Variants in SLC2A9 observed in about 807,000 individuals in gnomAD.
The protein encoded by SLC2A9 is solute carrier family 2 member 9.
Under a neutral mutation model 50.6 loss-of-function variants are expected in SLC2A9, and 39 were observed. The observed-to-expected ratio is 0.77, with a 90% CI of 0.60 to 1.01. The LOEUF (loss-of-function observed/expected upper bound fraction) is 1.01, where lower values mean the gene tolerates loss of function less well. SLC2A9 is among the 50% of genes least tolerant of loss of function. The pLI, the probability that SLC2A9 is intolerant of heterozygous loss-of-function variation, is 0.00. For synonymous variants in SLC2A9, 324 were observed against 276.9 expected, an observed-to-expected ratio of 1.17 and a Z score of -1.69; for missense variants, 686 against 677.6, an observed-to-expected ratio of 1.01 and a Z score of -0.14.
intron 3 of SLC2A9, among the ~76,000 whole-genome samples, chr4:9,808,483 A>C (rs1220531755): frequency 1.3e-5 from 2 of 152,170 alleles, no homozygotes; most frequent in Non-Finnish European, 2.9e-5. Context: ...GCAATTCCTC[A>C]GTCCCTGGAA....
chr4:9,787,701 G>A (rs777213736), intron 3 of SLC2A9, among the ~76,000 whole-genome samples: 7 of 152,112 alleles, frequency 4.6e-5, no homozygotes, highest in African/African-American at 1.4e-4. Flanking sequence ...TTCATGACAC[G>A]GACCTTTGTG....
At chr4:9,853,908 T>C (rs758088489) in intron 10 of SLC2A9, among the ~76,000 whole-genome samples, 3 of 152,032 alleles carry the variant, frequency 2.0e-5, no homozygotes, top group East Asian at 1.9e-4. Flanking sequence ...GGGTGAATGA[T>C]GAAATTAAGG....
intron 10 of SLC2A9, among the ~76,000 whole-genome samples, chr4:9,881,526 A>G (rs1049870255): frequency 1.3e-5 from 2 of 152,232 alleles, no homozygotes; most frequent in Non-Finnish European, 1.5e-5. Context: ...GGGTTGACAC[A>G]TGTTTAAAAT....
chr4:9,909,601 C>A (rs1327936477), intron 7 of SLC2A9, among the ~76,000 whole-genome samples: 2 of 152,210 alleles, frequency 1.3e-5, no homozygotes, highest in African/African-American at 4.8e-5. Context: ...GTCAAATGAA[C>A]ATGACCATGC....
At chr4:9,806,303 T>C (rs1722106631) in intron 3 of SLC2A9, among the ~76,000 whole-genome samples, 1 of 152,248 alleles carries the variant, frequency 6.6e-6, no homozygotes, top group Admixed American at 6.5e-5. Context: ...CTTAAGGCGT[T>C]CTTAAACAAC....
At chr4:9,842,926 G>A (rs926100059) in intron 10 of SLC2A9, among the ~76,000 whole-genome samples, 2 of 152,148 alleles carry the variant, frequency 1.3e-5, no homozygotes, top group South Asian at 4.1e-4. Flanking sequence ...GGAGGTGAAA[G>A]AGGTGGATAA....
At chr4:9,973,811 T>A (rs750802996) in intron 5 of SLC2A9, among the ~76,000 whole-genome samples, 1 of 151,260 alleles carries the variant, frequency 6.6e-6, no homozygotes, top group Admixed American at 6.6e-5. Flanking sequence ...TGTATACATA[T>A]GTAACTAACC....
At chr4:9,888,596 C>A (rs1380577711) in intron 9 of SLC2A9, among the ~76,000 whole-genome samples, 1 of 151,882 alleles carries the variant, frequency 6.6e-6, no homozygotes, top group Non-Finnish European at 1.5e-5. Context: ...GGAGAGGCCA[C>A]CTGACTTGAA....
At chr4:9,882,788 GGACA>G (rs541032033) in intron 10 of SLC2A9, among the ~76,000 whole-genome samples, 16 of 151,762 alleles carry the variant, frequency 1.1e-4, no homozygotes, top group Non-Finnish European at 2.2e-4. Context: ...CTATCCTCTA[GGACA>G]GACAGACAGA....
intron 5 of SLC2A9, among the ~76,000 whole-genome samples, chr4:9,956,758 G>A (rs896907934): frequency 8.9e-6 from 1 of 112,926 alleles, no homozygotes; most frequent in Non-Finnish European, 1.8e-5. Flanking sequence ...ATTGGGTACC[G>A]AAAAATTTTT....
At chr4:9,946,331 T>C (rs1178868900) in intron 5 of SLC2A9, among the ~76,000 whole-genome samples, 1 of 152,242 alleles carries the variant, frequency 6.6e-6, no homozygotes, top group African/African-American at 2.4e-5. Flanking sequence ...TAGACTACTT[T>C]AGTCCATAAA....
chr4:9,805,927 C>T (rs1722061953), intron 3 of SLC2A9, among the ~76,000 whole-genome samples: 1 of 152,146 alleles, frequency 6.6e-6, no homozygotes, highest in African/African-American at 2.4e-5. Context: ...GTGAAGAATG[C>T]TGAGGCAGGG....
Position 9,985,738 on chromosome 4 carries a change from C to G in SLC2A9, c.466G>C (p.Ala156Pro). 6.2e-7 allele frequency: 1 copy of G among 1,614,026 alleles called. No individual in the cohort carries two copies. Among genetic ancestry groups the G allele is most frequent in the Non-Finnish European group, 8.5e-7 (1 of 1,179,864 alleles). The change falls in exon 4 of 12, where the codon GCC (alanine) becomes CCC (proline). Residue 156 changes from alanine to proline, a missense_variant. Ala to Pro is a conservative substitution (Grantham distance 27). Coordinates refer to ENST00000264784, the MANE Select transcript of SLC2A9 (RefSeq NM_020041.3). ...GFAISAALLMACSLQAGAFEM... is the reference protein window; with the variant it reads ...GFAISAALLMPCSLQAGAFEM... ...AAGGCTCCTGCCTGGAGCGAGCAGG[C>G]CATCAGCAATGCAGCAGAAATTGCA...
intron 3 of SLC2A9, among the ~76,000 whole-genome samples, chr4:9,808,179 T>C (rs1474323871): frequency 2.6e-5 from 4 of 152,218 alleles, no homozygotes; most frequent in Non-Finnish European, 5.9e-5. Context: ...GCTCATTCTT[T>C]TTCTAGCAGC....
At chr4:9,956,366 G>GC (rs1161744899) in intron 5 of SLC2A9, among the ~76,000 whole-genome samples, 1 of 151,970 alleles carries the variant, frequency 6.6e-6, no homozygotes, top group Admixed American at 6.5e-5. Context: ...TGTAGCCCCA[G>GC]CTACTCGGGA....
chr4:9,844,773 C>G (rs1190873361), intron 10 of SLC2A9, among the ~76,000 whole-genome samples: 1 of 152,196 alleles, frequency 6.6e-6, no homozygotes, highest in Non-Finnish European at 1.5e-5. Flanking sequence ...TACCTACTAG[C>G]TATGTGACCA....
chr4:10,002,865 A>G (rs76138462), intron 2 of SLC2A9, among the ~76,000 whole-genome samples: 19,488 of 148,360 alleles, frequency 0.13, 2,095 homozygotes, highest in East Asian at 0.48. Context: ...ACAAAAAAAA[A>G]GAGTAAATAT....
chr4:9,780,144 A>C (rs1718136645), intron 3 of SLC2A9: 1 of 152,294 alleles, frequency 6.6e-6, no homozygotes, highest in Non-Finnish European at 1.5e-5. Context: ...GGAGCTGATC[A>C]TGAAACACAC....
chr4:9,875,662 C>T (rs931820022), intron 10 of SLC2A9, among the ~76,000 whole-genome samples: 2 of 152,194 alleles, frequency 1.3e-5, no homozygotes, highest in East Asian at 1.9e-4. Flanking sequence ...TGGTTCACTG[C>T]TGTGTAATCC....
Sources: gnomAD v4.1 joint callset for allele counts (sites outside exome capture counted in the v4.1 genomes callset) on GRCh38, gnomAD v4.1.1 for gene constraint, MANE v1.5 for transcripts, NCBI Gene and HGNC (gene_info 2026-07-23, HGNC 2026-07-21) for gene names.